Variants in PCDHGA3 observed in about 807,000 individuals in gnomAD.
PCDHGA3 encodes the protein protocadherin gamma subfamily A, 3.
In PCDHGA3, 40 loss-of-function variants were observed where a neutral mutation model predicts 58.5. The observed-to-expected ratio is 0.68, with a 90% CI of 0.53 to 0.89. PCDHGA3 has a LOEUF of 0.89. Ranked by LOEUF, PCDHGA3 falls within the 40% of genes least tolerant of loss-of-function variation. PCDHGA3 has a pLI of 0.00. For synonymous variants in PCDHGA3, 530 were observed against 525.7 expected (o/e 1.01, Z -0.11); for missense variants, 1,223 against 1,195.9 (o/e 1.02, Z -0.33).
intron 1 of PCDHGA3, chr5:141,366,903 C>T (rs1018569016): frequency 6.8e-5 from 80 of 1,174,592 alleles, no homozygotes; most frequent in Non-Finnish European, 8.5e-5. Context: ...TTCATGCTTT[C>T]TCCATTTGTT....
chr5:141,491,496 C>T lies in PCDHGA3; in HGVS notation c.2425-3311C>T, dbSNP rs372523924. ...AGTCCAGCCCCAACCTGCAGGTGAG[C>T]TCGGACGGCACGCTCAAGTACATGG... On this transcript the variant is annotated intron_variant, in intron 1 of 3. Transcript: ENST00000253812. This position sits in a 1 kb window ranked among gnomAD's most constrained non-coding sequence, Gnocchi z 6.9. 2.9e-5 allele frequency: 47 copies of T among 1,614,004 alleles called. No individual in the cohort carries two copies. Among genetic ancestry groups the T allele is most frequent in the Non-Finnish European group, 3.7e-5 (44 of 1,180,026 alleles).
intron 1 of PCDHGA3, chr5:141,382,977 C>T: frequency 6.2e-7 from 1 of 1,610,566 alleles, no homozygotes. Context: ...CCTGGGAAGC[C>T]TGGGCAGGAC....
rs773688197 is a variant in PCDHGA3, at chr5:141,432,412, C to T, written c.2425-62395C>T. On this transcript the variant is annotated intron_variant, in intron 1 of 3. Transcript: ENST00000253812. This position sits in a 1 kb window ranked among gnomAD's most constrained non-coding sequence, Gnocchi z 6.0. ...GCAGCAACGTGTCGTTGAGCCTGTT[C>T]GTGCTGGACCAGAACGACAATGCGC... 5 of 1,614,128 alleles carry T rather than the reference C, an allele frequency of 3.1e-6. No individual in the cohort carries two copies. The highest frequency in any genetic ancestry group is 4.5e-5 in the East Asian group (2 of 44,894).
intron 1 of PCDHGA3, chr5:141,419,816 C>A (rs910172118): frequency 7.4e-6 from 12 of 1,613,940 alleles, no homozygotes; most frequent in Non-Finnish European, 1.0e-5. Context: ...AGGACAGCCA[C>A]CCCTTTCAGC....
At position 141,381,826 on chromosome 5, in the gene PCDHGA3, C is replaced by CTTTTTTT. The variant is rs770630741; in HGVS notation, c.2424+35385_2424+35391dup. Among the ~76,000 whole-genome samples the CTTTTTTT allele has an allele frequency of 1.4e-3, 102 of 74,248 alleles. 2 individuals are homozygous for CTTTTTTT. The highest frequency in any genetic ancestry group is 1.7e-3 in the Non-Finnish European group (71 of 42,360). The allele number at this position is 74,248 out of a possible 152,430, so 48.7% of individuals were successfully genotyped here. ...TTTCTTTCTTTCTTTCTTTCTTCTT[C>CTTTTTTT]TTTTTTTTTTTTTTTTTTTTTTGGC... On this transcript the variant is annotated intron_variant, in intron 1 of 3. Transcript: ENST00000253812.
rs576937130 is a variant in PCDHGA3 at position 141,427,508 on chromosome 5, G to A, written c.2425-67299G>A. ...ATAAGCTTGTAACAGATGGGACCCT[G>A]GATTGGGAGCGGATCCCGGAGTACA... On this transcript the variant is annotated intron_variant, in intron 1 of 3. Transcript: ENST00000253812. 9.9e-4 allele frequency: 584 copies of A among 587,058 alleles called. 6 individuals carry two copies. The highest frequency in any genetic ancestry group is 3.0e-4 in the Non-Finnish European group (94 of 311,294). The allele number at this position is 587,058 out of a possible 1,614,324, so 36.4% of individuals were successfully genotyped here.
intron 1 of PCDHGA3, among the ~76,000 whole-genome samples, chr5:141,429,826 C>T (rs1211415098): frequency 2.6e-5 from 4 of 152,054 alleles, no homozygotes; most frequent in Non-Finnish European, 4.4e-5. Context: ...GGTCAGTTAC[C>T]CAGGAAAAGG....
intron 1 of PCDHGA3, chr5:141,404,230 C>T: frequency 6.2e-7 from 1 of 1,613,836 alleles, no homozygotes; most frequent in Non-Finnish European, 8.5e-7. Context: ...CTGCAACAGA[C>T]AGAGGAACTC....
rs2099412065 is a variant in PCDHGA3, at chr5:141,477,502, C to T, written c.2425-17305C>T. On this transcript the variant is annotated intron_variant, in intron 1 of 3. Coordinates refer to ENST00000253812, the MANE Select transcript of PCDHGA3 (RefSeq NM_018916.4). This position sits in a 1 kb window ranked among gnomAD's most constrained non-coding sequence, Gnocchi z 4.9. ...CTCCACAATCTTCTCAATCTTCCTACGACGTTTACATTGAAGAAAACAACC... is the reference window on the plus strand; with the variant it reads ...CTCCACAATCTTCTCAATCTTCCTATGACGTTTACATTGAAGAAAACAACC... 2 of 1,614,144 alleles carry T rather than the reference C, an allele frequency of 1.2e-6. No homozygotes were observed. Among genetic ancestry groups the T allele is most frequent in the Non-Finnish European group, 1.7e-6 (2 of 1,180,018 alleles).
intron 1 of PCDHGA3, chr5:141,429,216 T>A (rs1590916921): frequency 6.8e-6 from 1 of 146,786 alleles, no homozygotes; most frequent in Admixed American, 6.7e-5. Context: ...GTGTGAAAAG[T>A]GGGTATTATG....
At chr5:141,365,909 G>A in intron 1 of PCDHGA3, 1 of 1,614,190 alleles carries the variant, frequency 6.2e-7, no homozygotes. Flanking sequence ...GCAGTTGAGA[G>A]ACCTACAGTT....
chr5:141,431,215 CCCTCTACCCCACG>C lies in PCDHGA3; in HGVS notation c.2425-63588_2425-63576del. The C allele has an allele frequency of 6.2e-7, 1 of 1,614,184 alleles. No homozygotes were observed. Among genetic ancestry groups the C allele is most frequent in the Non-Finnish European group, 8.5e-7 (1 of 1,180,048 alleles). On this transcript the variant is annotated intron_variant, in intron 1 of 3. Transcript: ENST00000253812. The surrounding 1 kb of genome is among the most constrained non-coding windows in gnomAD (Gnocchi z 4.8). ...AAAATGCAGCCACTGAGATGCGGTT[CCCTCTACCCCACG>C]CCTGGGATCCGGATATCGGGAAGAA... is the stretch of plus-strand genomic sequence containing the variant.
In PCDHGA3 at chr5:141,394,565, T is replaced by C. The variant is rs199836246; in HGVS notation, c.2424+48108T>C. ...AGCTGGCGCCCCGCTCCGCAGAGCG[T>C]GGCTACCTGGTGACCAAGGTGGTGG... On this transcript the variant is annotated intron_variant, in intron 1 of 3. Transcript: ENST00000253812. The C allele has an allele frequency of 4.7e-3, 7,555 of 1,612,722 alleles. 48 individuals carry two copies. The highest frequency in any genetic ancestry group is 9.5e-3 in the Admixed American group (567 of 59,986).
At position 141,379,889 on chromosome 5, in the gene PCDHGA3, C is replaced by CTTTTTTTTTTTTTTT. The variant is rs70988800; in HGVS notation, c.2424+33448_2424+33462dup. On this transcript the variant is annotated intron_variant, in intron 1 of 3. Coordinates refer to ENST00000253812, the MANE Select transcript of PCDHGA3 (RefSeq NM_018916.4). ...CTTATTTTATGGTCTGTGAAAGCCT[C>CTTTTTTTTTTTTTTT]TTTTTTTTTTTTTTTTTTTTTTTTT... Among the ~76,000 whole-genome samples, 120 of 50,828 alleles carry CTTTTTTTTTTTTTTT rather than the reference C, an allele frequency of 2.4e-3. 21 individuals carry two copies. The highest frequency in any genetic ancestry group is 3.0e-3 in the Non-Finnish European group (77 of 25,882). 33.3% of individuals were successfully genotyped at this position (50,828 alleles called of 152,430 possible).
chr5:141,437,782 A>C (rs1410096491), intron 1 of PCDHGA3, among the ~76,000 whole-genome samples: 1 of 151,512 alleles, frequency 6.6e-6, no homozygotes, highest in African/African-American at 2.4e-5. Context: ...TCTGTCGCCA[A>C]GCTGGAGTGC....
intron 1 of PCDHGA3, chr5:141,370,795 G>A: frequency 6.2e-7 from 1 of 1,613,996 alleles, no homozygotes; most frequent in Middle Eastern, 1.6e-4. Flanking sequence ...CCGACCTTTA[G>A]CCAAAATATC....
chr5:141,403,120 C>T, intron 1 of PCDHGA3: 2 of 1,614,050 alleles, frequency 1.2e-6, no homozygotes, highest in Non-Finnish European at 1.7e-6. Flanking sequence ...CTCTGGAGCC[C>T]CGGGAGCTGG....
At chr5:141,363,977 G>A (rs1763129841) in intron 1 of PCDHGA3, among the ~76,000 whole-genome samples, 1 of 152,178 alleles carries the variant, frequency 6.6e-6, no homozygotes, top group African/African-American at 2.4e-5. Flanking sequence ...TTGCTATTCA[G>A]AATTAAAGCT....
intron 3 of PCDHGA3, among the ~76,000 whole-genome samples, chr5:141,507,805 G>C (rs2099863746): frequency 6.6e-6 from 1 of 152,204 alleles, no homozygotes; most frequent in Non-Finnish European, 1.5e-5. Flanking sequence ...TGCGCCCTGG[G>C]GAACGGACCC....
Sources: allele counts gnomAD v4.1 joint callset (sites outside exome capture counted in the v4.1 genomes callset), GRCh38; gene constraint gnomAD v4.1.1; non-coding constraint Gnocchi (gnomAD v3.1); transcripts MANE v1.5; gene names NCBI Gene and HGNC (gene_info 2026-07-23, HGNC 2026-07-21).